The following ZNF653 variants were observed in gnomAD, a reference collection of about 807,000 sequenced individuals.
ZNF653 encodes the protein 67 kDa zinc finger protein.
Under a neutral mutation model 59.9 loss-of-function variants are expected in ZNF653, and 37 were observed. The observed-to-expected ratio is 0.62, with a 90% CI of 0.48 to 0.81. The LOEUF (loss-of-function observed/expected upper bound fraction) is 0.81, where lower values mean the gene tolerates loss of function less well. Ranked by LOEUF, ZNF653 falls within the 40% of genes least tolerant of loss-of-function variation. The pLI is 0.00. For missense variants in ZNF653, 808 were observed against 881.1 expected (o/e 0.92, Z 1.05); for synonymous variants, 435 against 371.8 (o/e 1.17, Z -1.96).
In ZNF653 at chr19:11,485,696, A is replaced by G. The variant is rs752881343; in HGVS notation, c.1530T>C (p.Tyr510=). Residue 510 remains tyrosine (Y), a synonymous_variant, in exon 7 of 9, where the codon TAT becomes TAC. Coordinates refer to ENST00000293771, the MANE Select transcript of ZNF653 (RefSeq NM_138783.4). ...CPHPGCGKKF[Y]LSNHLRRHMI... Reference sequence around the variant, plus strand: ...TGTGCCGCCGCAGGTGGTTGGATAAATAGAACTTCTTGCCACAGCCAGGAT... The same window carrying G: ...TGTGCCGCCGCAGGTGGTTGGATAAGTAGAACTTCTTGCCACAGCCAGGAT... 1.9e-6 allele frequency: 3 copies of G among 1,613,966 alleles called. No homozygotes were observed. The highest frequency in any genetic ancestry group is 2.5e-6 in the Non-Finnish European group (3 of 1,179,988).
rs1463742913 is a variant in ZNF653, at chr19:11,495,931, C to T, written c.559+19G>A. 1 of 1,609,944 alleles carries T rather than the reference C, an allele frequency of 6.2e-7. No individual in the cohort carries two copies. Among genetic ancestry groups the T allele is most frequent in the Non-Finnish European group, 8.5e-7 (1 of 1,178,302 alleles). On this transcript the variant is annotated intron_variant, in intron 3 of 8. Transcript: ENST00000293771. The surrounding 1 kb of genome is among the most constrained non-coding windows in gnomAD (Gnocchi z 4.9). ...CAGAAATGGGCGGCCCCCTATGTGC[C>T]CTCGCCCTGCAGACCTACCTTTGTC... is the stretch of plus-strand genomic sequence containing the variant.
chr19:11,487,166 G>T lies in ZNF653; in HGVS notation c.1172-8C>A, dbSNP rs184460493. The stretch of plus-strand genomic sequence containing the variant: ...AGCACAGGTCCTCCTTCTCTACAGG[G>T]TGGACACAGGGTGGTGTCCGCAGGG... On this transcript the variant is annotated splice_polypyrimidine_tract_variant and splice_region_variant and intron_variant, in intron 4 of 8. Transcript: ENST00000293771. This position sits in a 1 kb window ranked among gnomAD's most constrained non-coding sequence, Gnocchi z 5.1. The T allele has an allele frequency of 2.6e-5, 42 of 1,610,208 alleles. No individual in the cohort carries two copies. In the Admixed American group the frequency reaches 4.5e-4, roughly 17 times the overall value.
rs748367619 is a variant in ZNF653, at chr19:11,485,614, CTG to C, written c.1570+40_1570+41del. ...GGCCCAGGCTCCCAGGCCCATGTCC[CTG>C]TGTCCCCCGCTCATGCTGCCAGCTG... On this transcript the variant is annotated intron_variant, in intron 7 of 8. Transcript: ENST00000293771. 2.6e-6 allele frequency: 4 copies of C among 1,540,688 alleles called. No individual in the cohort carries two copies. The South Asian group carries it at 3.4e-5, about 13-fold the overall frequency.
At chr19:11,488,054 C>A (rs934381470) in intron 3 of ZNF653, 151 bp from the exon 4 acceptor site, 11 of 740,106 alleles carry the variant, frequency 1.5e-5, no homozygotes, top group Non-Finnish European at 1.8e-5. Context: ...GTGGTGCGAT[C>A]TCAGCTCACT....
At chr19:11,491,010 C>CTGCATCCAAAA (rs1285317112) in intron 3 of ZNF653, among the ~76,000 whole-genome samples, 4 of 152,338 alleles carry the variant, frequency 2.6e-5, no homozygotes, top group African/African-American at 9.6e-5. Context: ...CCTGTTGGTG[C>CTGCATCCAAAA]TGCATCCAAA....
chr19:11,502,239 GCGCCA>G (rs1423096094), intron 1 of ZNF653, among the ~76,000 whole-genome samples: 1 of 152,060 alleles, frequency 6.6e-6, no homozygotes, highest in Non-Finnish European at 1.5e-5. Context: ...CTACAGGCGT[GCGCCA>G]CCATGCCCGG....
rs144848323 is a variant in ZNF653, at chr19:11,494,544, G to T, written c.559+1406C>A. ...GTGTCTACTAAAAATACAAAAATTA[G>T]CCAGGTGTGGTGGCAGATGCCTGTA... On this transcript the variant is annotated intron_variant, in intron 3 of 8. Coordinates refer to ENST00000293771, the MANE Select transcript of ZNF653 (RefSeq NM_138783.4). Among the ~76,000 whole-genome samples, 39 of 152,124 alleles carry T rather than the reference G, an allele frequency of 2.6e-4. No homozygotes were observed. In the East Asian group the frequency reaches 6.8e-3, roughly 26 times the overall value.
intron 1 of ZNF653, chr19:11,504,638 G>A (rs1971687537): frequency 2.2e-6 from 2 of 891,928 alleles, no homozygotes; most frequent in African/African-American, 1.8e-5. Context: ...AGAAACATGA[G>A]AACATGTGTA....
At chr19:11,503,090 C>A (rs1971664768) in intron 1 of ZNF653, among the ~76,000 whole-genome samples, 1 of 151,988 alleles carries the variant, frequency 6.6e-6, no homozygotes, top group Admixed American at 6.6e-5. Flanking sequence ...CATACCACTT[C>A]TTTCTCTGTA....
chr19:11,492,074 GT>G (rs1440786773), intron 3 of ZNF653, among the ~76,000 whole-genome samples: 7 of 151,820 alleles, frequency 4.6e-5, no homozygotes, highest in Admixed American at 2.0e-4. Context: ...TTGAGATGGA[GT>G]TTTGCTCGTT....
chr19:11,485,573 T>C lies in ZNF653; in HGVS notation c.1570+83A>G, dbSNP rs547904086. 9.6e-6 allele frequency: 11 copies of C among 1,148,150 alleles called. No individual in the cohort carries two copies. In the African/African-American group the frequency reaches 1.4e-4, roughly 14 times the overall value. The allele number at this position is 1,148,150 out of a possible 1,614,324, so 71.1% of individuals were successfully genotyped here. ...GTGCCCGGAGACCCAGCACTGGGCT[T>C]TGACCCGCCAGCTCTGGCCCAGGCT... On this transcript the variant is annotated intron_variant, in intron 7 of 8. Transcript: ENST00000293771.
At chr19:11,498,160 A>G (rs1971607659) in intron 2 of ZNF653, 136 bp downstream of exon 2, 2 of 1,133,492 alleles carry the variant, frequency 1.8e-6, no homozygotes, top group Admixed American at 1.9e-5. Context: ...AGACACGCAG[A>G]CCCGGGTTTG....
intron 1 of ZNF653, among the ~76,000 whole-genome samples, chr19:11,499,098 C>T (rs1401978429): frequency 1.3e-5 from 2 of 152,208 alleles, no homozygotes; most frequent in Non-Finnish European, 2.9e-5. Context: ...GGACTCTCTC[C>T]CCAATTGCCA....
At chr19:11,505,175 T>G in intron 1 of ZNF653, 4 of 291,276 alleles carry the variant, frequency 1.4e-5, no homozygotes, top group East Asian at 6.6e-5. Context: ...AGGGCCTGGT[T>G]AGTTACAAGG....
chr19:11,496,458 G>A (rs958802196), intron 2 of ZNF653, among the ~76,000 whole-genome samples: 3 of 152,078 alleles, frequency 2.0e-5, no homozygotes, highest in African/African-American at 7.2e-5. Flanking sequence ...TTCATCAAAC[G>A]CCTAGACCAG....
At position 11,496,079 on chromosome 19, in the gene ZNF653, C is replaced by G. The variant is rs1971584744; in HGVS notation, c.430G>C (p.Ala144Pro). 1 of 1,614,168 alleles carries G rather than the reference C, an allele frequency of 6.2e-7. No individual in the cohort carries two copies. Among genetic ancestry groups the G allele is most frequent in the Non-Finnish European group, 8.5e-7 (1 of 1,180,032 alleles). The change falls in exon 3 of 9, where the codon GCG becomes CCG. Residue 144 changes from alanine (A) to proline (P), a missense_variant. Physicochemically the swap from Ala to Pro is conservative, Grantham distance 27. Transcript: ENST00000293771. ...KHRCPYEPHL[A>P]ELDPTFGLYT... ...AGGCCAAAAGTGGGGTCTAGCTCCG[C>G]CAGGTGCGGCTCGTACGGGCAGCGG... is the stretch of plus-strand genomic sequence containing the variant.
intron 3 of ZNF653, among the ~76,000 whole-genome samples, chr19:11,488,113 G>A (rs1446303125): frequency 4.7e-5 from 7 of 149,548 alleles, no homozygotes; most frequent in Admixed American, 1.3e-4. Flanking sequence ...TCAGGCTCCC[G>A]AGTAGCTGGG....
In ZNF653 at chr19:11,495,821, T is replaced by C; in HGVS notation, c.559+129A>G. ...TCAGCCTGGCCCATCGTGTCCCTGC[T>C]CTGCCCCAGTGCCAGAGCCAGAGCC... On this transcript the variant is annotated intron_variant, in intron 3 of 8. Transcript: ENST00000293771. The surrounding 1 kb of genome is among the most constrained non-coding windows in gnomAD (Gnocchi z 4.9). 1 of 974,534 alleles carries C rather than the reference T, an allele frequency of 1.0e-6. No individual in the cohort carries two copies. The highest frequency in any genetic ancestry group is 2.3e-5 in the Admixed American group (1 of 44,246). 60.4% of individuals were successfully genotyped at this position (974,534 alleles called of 1,614,324 possible). A position where few individuals can be genotyped will look rare whatever the true frequency, so the allele number is the denominator to read the frequency against.
chr19:11,502,666 AAAAT>A (rs1390007442), intron 1 of ZNF653, among the ~76,000 whole-genome samples: 1 of 152,154 alleles, frequency 6.6e-6, no homozygotes, highest in Non-Finnish European at 1.5e-5. Flanking sequence ...CTGCATCTCA[AAAAT>A]AAATAAACAA....
Sources: allele counts gnomAD v4.1 joint callset (sites outside exome capture counted in the v4.1 genomes callset), GRCh38; gene constraint gnomAD v4.1.1; non-coding constraint Gnocchi (gnomAD v3.1); transcripts MANE v1.5; gene names NCBI Gene and HGNC (gene_info 2026-07-23, HGNC 2026-07-21).